SPAG17: variants seen among roughly 807,000 people sequenced by gnomAD.
The protein encoded by SPAG17 is sperm-associated antigen 17.
In SPAG17, 169 loss-of-function variants were observed where a neutral mutation model predicts 273.6. The ratio of observed to expected loss-of-function variants is 0.62; its 90% CI spans 0.55 to 0.70. The LOEUF (loss-of-function observed/expected upper bound fraction) is 0.70, where lower values mean the gene tolerates loss of function less well. SPAG17 is among the 30% of genes least tolerant of loss of function. The pLI is 0.00. For missense variants in SPAG17, 2,557 were observed against 2,627.8 expected, an observed-to-expected ratio of 0.97 and a Z score of 0.59; for synonymous variants, 825 against 873.2, an observed-to-expected ratio of 0.94 and a Z score of 0.97.
intron 6 of SPAG17, among the ~76,000 whole-genome samples, chr1:118,098,339 G>A (rs1655847772): frequency 6.6e-6 from 1 of 152,076 alleles, no homozygotes; most frequent in South Asian, 2.1e-4. Context: ...ATAGCAATAG[G>A]CTTCTCTGGG....
At chr1:118,025,458 G>T (rs1366046130) in intron 26 of SPAG17, 42 bp from the exon 27 acceptor site, 2 of 1,319,168 alleles carry the variant, frequency 1.5e-6, no homozygotes, top group Non-Finnish European at 2.0e-6. Flanking sequence ...GGACAATGCT[G>T]CAGGGCTGGA....
intron 1 of SPAG17, among the ~76,000 whole-genome samples, chr1:118,177,593 G>T (rs894464476): frequency 6.6e-6 from 1 of 151,988 alleles, no homozygotes; most frequent in Non-Finnish European, 1.5e-5. Flanking sequence ...AGAAATAAAT[G>T]AAAATGAAGC....
chr1:117,966,479 C>G (rs1453360548), intron 47 of SPAG17, 130 bp downstream of exon 47: 1 of 955,634 alleles, frequency 1.0e-6, no homozygotes, highest in African/African-American at 1.7e-5. Context: ...TGCTCTTTGT[C>G]TTAATAAATT....
At chr1:118,105,758 A>C (rs1292789431) in intron 4 of SPAG17, among the ~76,000 whole-genome samples, 2 of 152,192 alleles carry the variant, frequency 1.3e-5, no homozygotes, top group African/African-American at 4.8e-5. Context: ...ACAAGGTTCA[A>C]GGGAGGCAAT....
In SPAG17 at chr1:118,005,480, C is replaced by T; in HGVS notation, c.4710G>A (p.Arg1570=). 6.2e-7 allele frequency: 1 copy of T among 1,613,722 alleles called. No individual in the cohort carries two copies. The highest frequency in any genetic ancestry group is 1.1e-5 in the South Asian group (1 of 90,948). ...FQKREQLRAG[R]YIMRHTSEVI... ...CCTCTGAAGTATGCCTCATGATGTA[C>T]CTGCCAGCTCGCAGCTGCTCACGCT... The change falls in exon 32 of 49, where the codon AGG becomes AGA. Residue 1570 remains arginine, a synonymous_variant. Coordinates refer to ENST00000336338, the MANE Select transcript of SPAG17 (RefSeq NM_206996.4).
chr1:118,070,749 T>C (rs1653491113), intron 17 of SPAG17, among the ~76,000 whole-genome samples: 1 of 152,190 alleles, frequency 6.6e-6, no homozygotes, highest in South Asian at 2.1e-4. Context: ...TTTCAACATA[T>C]AAACAATGTA....
chr1:118,103,870 T>TGTGTGTGTGTGTGTGA (rs1405821179), intron 4 of SPAG17, among the ~76,000 whole-genome samples: 13 of 151,314 alleles, frequency 8.6e-5, no homozygotes, highest in African/African-American at 1.9e-4. Context: ...TGTGTGTGTG[T>TGTGTGTGTGTGTGTGA]GAAGATCCTA....
At chr1:117,975,827 C>T (rs1008902046) in intron 43 of SPAG17, among the ~76,000 whole-genome samples, 3 of 152,040 alleles carry the variant, frequency 2.0e-5, no homozygotes, top group Non-Finnish European at 4.4e-5. Flanking sequence ...ATATCCTTGC[C>T]GTATGTGTAC....
intron 4 of SPAG17, among the ~76,000 whole-genome samples, chr1:118,112,274 A>G (rs1656806436): frequency 6.6e-6 from 1 of 152,088 alleles, no homozygotes; most frequent in South Asian, 2.1e-4. Context: ...GATATATAAT[A>G]TTCAGATAAT....
chr1:117,968,935 G>T (rs74114945), intron 46 of SPAG17, among the ~76,000 whole-genome samples: 7,795 of 152,202 alleles, frequency 0.051, 426 homozygotes, highest in South Asian at 0.13. Context: ...TCTGTAAGCT[G>T]CTTACGTGTC....
chr1:118,099,940 G>C, intron 5 of SPAG17, 140 bp from the exon 6 acceptor site: 1 of 659,770 alleles, frequency 1.5e-6, no homozygotes, highest in Non-Finnish European at 2.5e-6. Context: ...TGGCTGGAAT[G>C]CAGTCATGTT....
At chr1:118,162,938 C>T (rs1659998381) in intron 1 of SPAG17, among the ~76,000 whole-genome samples, 2 of 151,926 alleles carry the variant, frequency 1.3e-5, no homozygotes, top group African/African-American at 4.8e-5. Context: ...ATACAATAAA[C>T]AATACTATAT....
Position 117,996,316 on chromosome 1 carries a change from G to A in SPAG17, c.5053+54C>T. 3 of 1,545,630 alleles carry A rather than the reference G, an allele frequency of 1.9e-6. No individual in the cohort carries two copies. In the South Asian group the frequency reaches 3.8e-5, roughly 20 times the overall value. On this transcript the variant is annotated intron_variant, in intron 34 of 48. Transcript: ENST00000336338. Reference sequence around the variant, plus strand: ...ATGAAGATAGACTGGATAGTAAGGAGGATGAGAATTGGCAAAGAGACACCG... The same window carrying A: ...ATGAAGATAGACTGGATAGTAAGGAAGATGAGAATTGGCAAAGAGACACCG...
intron 18 of SPAG17, among the ~76,000 whole-genome samples, chr1:118,057,357 C>A (rs568370206): frequency 2.0e-3 from 297 of 152,162 alleles, no homozygotes; most frequent in African/African-American, 6.9e-3. Context: ...ACCCTGGGCC[C>A]CCAAAGTATA....
At chr1:118,041,627 T>C (rs539760558) in intron 21 of SPAG17, among the ~76,000 whole-genome samples, 176 bp downstream of exon 21, 4 of 152,122 alleles carry the variant, frequency 2.6e-5, no homozygotes, top group Non-Finnish European at 5.9e-5. Context: ...GATGATTGGT[T>C]AGAAACAAGG....
intron 46 of SPAG17, 113 bp from the exon 47 acceptor site, chr1:117,966,866 T>A: frequency 1.1e-6 from 1 of 925,078 alleles, no homozygotes; most frequent in Non-Finnish European, 1.5e-6. Flanking sequence ...TTTCTTCATC[T>A]ATAAATTTGG....
intron 47 of SPAG17, chr1:117,964,884 C>A (rs1329358441): frequency 6.6e-6 from 1 of 152,182 alleles, no homozygotes; most frequent in Non-Finnish European, 1.5e-5. Context: ...CCAAGACTAA[C>A]CCTTCAGCTC....
intron 17 of SPAG17, among the ~76,000 whole-genome samples, chr1:118,068,151 AAT>A (rs1005363521): frequency 1.6e-3 from 240 of 148,972 alleles, no homozygotes; most frequent in African/African-American, 5.4e-3. Context: ...ATATATATAT[AAT>A]ATATATATAT....
At chr1:118,110,502 T>C (rs1274361735) in intron 4 of SPAG17, among the ~76,000 whole-genome samples, 1 of 152,182 alleles carries the variant, frequency 6.6e-6, no homozygotes, top group African/African-American at 2.4e-5. Flanking sequence ...TACCTTACCA[T>C]GCAGAAGGAC....
Sources: allele counts gnomAD v4.1 joint callset (sites outside exome capture counted in the v4.1 genomes callset), GRCh38; gene constraint gnomAD v4.1.1; transcripts MANE v1.5; gene names NCBI Gene and HGNC (gene_info 2026-07-23, HGNC 2026-07-21).